ARHGAP35: variants seen among roughly 807,000 people sequenced by gnomAD.
ARHGAP35 encodes rho GTPase-activating protein 35.
In ARHGAP35, 15 loss-of-function variants were observed where a neutral mutation model predicts 111.1. The observed-to-expected ratio is 0.13, with a 90% confidence interval of 0.09 to 0.21. The LOEUF (loss-of-function observed/expected upper bound fraction) is 0.21. Ranked by LOEUF, ARHGAP35 falls within the 10% of genes least tolerant of loss-of-function variation. The pLI, the probability that ARHGAP35 is intolerant of heterozygous loss-of-function variation, is 1.00. For synonymous variants in ARHGAP35, 643 were observed against 710.3 expected, an observed-to-expected ratio of 0.91 and a Z score of 1.51; for missense variants, 1,262 against 1,873.0, an observed-to-expected ratio of 0.67 and a Z score of 6.02.
chr19:46,983,488 G>T (rs1343551617), intron 3 of ARHGAP35, among the ~76,000 whole-genome samples: 1 of 151,752 alleles, frequency 6.6e-6, no homozygotes. Flanking sequence ...CAGTACCCCA[G>T]TCAGATGGTT....
chr19:46,925,109 C>T (rs943151390), intron 2 of ARHGAP35, among the ~76,000 whole-genome samples: 12 of 152,184 alleles, frequency 7.9e-5, no homozygotes, highest in Non-Finnish European at 4.4e-5. Context: ...CACACCTCTT[C>T]AAGTCAAATA....
In ARHGAP35 at chr19:46,920,958, T is replaced by C. The variant is rs1599818900; in HGVS notation, c.2283T>C (p.Ser761=). 1 of 1,614,020 alleles carries C rather than the reference T, an allele frequency of 6.2e-7. No homozygotes were observed. Among genetic ancestry groups the C allele is most frequent in the Non-Finnish European group, 8.5e-7 (1 of 1,179,890 alleles). The change falls in exon 2 of 7, where the codon TCT becomes TCC. Residue 761 remains serine, a synonymous_variant. Coordinates refer to ENST00000672722, the MANE Select transcript of ARHGAP35 (RefSeq NM_004491.5). This position sits in a 1 kb window ranked among gnomAD's most constrained non-coding sequence, Gnocchi z 7.0. ...ISQVLKGLLD[S]KRNLNLVSST... is the part of the protein sequence containing the mutation. ...AAGTTTTGAAGGGACTCCTGGACTC[T>C]AAGCGTAACTTAAACCTGGTCAGTT...
At chr19:46,952,753 G>A (rs747410535) in intron 3 of ARHGAP35, among the ~76,000 whole-genome samples, 19 of 152,174 alleles carry the variant, frequency 1.2e-4, no homozygotes, top group Admixed American at 2.0e-4. Context: ...AGCTCGCAGC[G>A]TGCAGCCTCG....
At position 46,920,630 on chromosome 19, in the gene ARHGAP35, A is replaced by G. The variant is rs763006049; in HGVS notation, c.1955A>G (p.Gln652Arg). The G allele has an allele frequency of 1.2e-6, 2 of 1,614,056 alleles. No homozygotes were observed. The highest frequency in any genetic ancestry group is 2.2e-5 in the East Asian group (1 of 44,888). The change falls in exon 2 of 7, where the codon CAG becomes CGG. Residue 652 changes from glutamine to arginine, a missense_variant. Coordinates refer to ENST00000672722, the MANE Select transcript of ARHGAP35 (RefSeq NM_004491.5). This position sits in a 1 kb window ranked among gnomAD's most constrained non-coding sequence, Gnocchi z 7.0. The part of the protein sequence containing the change: ...GNVRLPVNSF[Q>R]TPTFQPHGCL... The stretch of plus-strand genomic sequence containing the variant: ...GTCAGGCTTCCTGTGAACTCTTTCC[A>G]GACGCCAACATTTCAGCCCCACGGC...
chr19:46,877,234 G>A (rs1471899388), intron 1 of ARHGAP35, among the ~76,000 whole-genome samples: 5 of 127,082 alleles, frequency 3.9e-5, no homozygotes, highest in African/African-American at 9.1e-5. Context: ...CCTGGGTAGC[G>A]AGTAAAACTG....
rs773812194 is a variant in ARHGAP35 at position 46,937,310 on chromosome 19, A to G, written c.3728A>G (p.Glu1243Gly). Reference protein sequence around the residue: ...PRPSITKATWESNYFGVPLTT... With the variant: ...PRPSITKATWGSNYFGVPLTT... ...CCATCCATCACAAAGGCAACCTGGG[A>G]GAGTAACTATTTTGGGGTGCCCTTA... The change falls in exon 3 of 7, where the codon GAG becomes GGG. Residue 1243 changes from glutamate (E) to glycine (G), a missense_variant. By Grantham distance (98) the Glu-to-Gly change is moderately conservative. This residue lies in a region of ARHGAP35 where 579 missense variants were observed against 716.9 expected (regional missense o/e 0.81). Transcript: ENST00000672722. 6.2e-7 allele frequency: 1 copy of G among 1,613,922 alleles called. No homozygotes were observed. The highest frequency in any genetic ancestry group is 8.5e-7 in the Non-Finnish European group (1 of 1,179,838).
intron 1 of ARHGAP35, among the ~76,000 whole-genome samples, chr19:46,868,815 TA>T (rs1039534963): frequency 2.7e-5 from 4 of 148,756 alleles, no homozygotes; most frequent in South Asian, 2.1e-4. Context: ...AATTTACAAT[TA>T]AAAAATAAAA....
At chr19:46,977,995 T>G (rs1378548373) in intron 3 of ARHGAP35, among the ~76,000 whole-genome samples, 3 of 152,180 alleles carry the variant, frequency 2.0e-5, no homozygotes, top group African/African-American at 7.2e-5. Context: ...AGGGGAGACC[T>G]CGGAGGGAGC....
intron 2 of ARHGAP35, among the ~76,000 whole-genome samples, chr19:46,925,838 G>T (rs573166804): frequency 6.6e-6 from 1 of 152,160 alleles, no homozygotes; most frequent in South Asian, 2.1e-4. Flanking sequence ...AATGAACACC[G>T]GGCGTAGTGC....
intron 3 of ARHGAP35, among the ~76,000 whole-genome samples, chr19:46,942,815 CAGAA>C (rs1448664291): frequency 1.2e-4 from 5 of 42,290 alleles, no homozygotes; most frequent in Non-Finnish European, 2.2e-4. Flanking sequence ...GACCCTGTCT[CAGAA>C]AAAAAAAAAA....
intron 1 of ARHGAP35, among the ~76,000 whole-genome samples, chr19:46,887,808 C>T (rs531137188): frequency 1.2e-4 from 19 of 152,122 alleles, no homozygotes; most frequent in African/African-American, 4.3e-4. Context: ...AAAAATGCAG[C>T]TTGACTAATT....
chr19:46,876,895 A>G (rs1185208029), intron 1 of ARHGAP35, among the ~76,000 whole-genome samples: 1 of 152,204 alleles, frequency 6.6e-6, no homozygotes, highest in African/African-American at 2.4e-5. Flanking sequence ...GACTACTGCA[A>G]TAAAGCATAT....
chr19:46,966,343 A>G (rs1005407399), intron 3 of ARHGAP35, among the ~76,000 whole-genome samples: 6 of 152,118 alleles, frequency 3.9e-5, no homozygotes, highest in Non-Finnish European at 8.8e-5. Flanking sequence ...GAACCCAGGA[A>G]TTCAAGACCA....
At chr19:46,887,967 T>C (rs923857152) in intron 1 of ARHGAP35, among the ~76,000 whole-genome samples, 2 of 150,996 alleles carry the variant, frequency 1.3e-5, no homozygotes, top group African/African-American at 4.9e-5. Flanking sequence ...TTTTTTTTTT[T>C]CTGAGACGGA....
intron 2 of ARHGAP35, among the ~76,000 whole-genome samples, chr19:46,924,302 G>A (rs141767171): frequency 1.6e-3 from 246 of 152,270 alleles, no homozygotes; most frequent in African/African-American, 5.4e-3. Flanking sequence ...TGCGGGCCCC[G>A]AGAGATGGAG....
At chr19:46,966,874 C>T (rs8101973) in intron 3 of ARHGAP35, among the ~76,000 whole-genome samples, 35,980 of 152,030 alleles carry the variant, frequency 0.24, 4,481 homozygotes, top group Non-Finnish European at 0.28. Context: ...CATGAGGCTG[C>T]AGGGGTTAGT....
At chr19:46,917,086 C>T (rs924934288) in intron 1 of ARHGAP35, among the ~76,000 whole-genome samples, 1 of 152,072 alleles carries the variant, frequency 6.6e-6, no homozygotes, top group African/African-American at 2.4e-5. Flanking sequence ...ATTTCTGTAA[C>T]ACTTTCCATC....
At chr19:46,884,467 C>A (rs1413872609) in intron 1 of ARHGAP35, among the ~76,000 whole-genome samples, 2 of 143,438 alleles carry the variant, frequency 1.4e-5, no homozygotes, top group Non-Finnish European at 3.1e-5. Context: ...CCTTAGTTTT[C>A]TCATCTATAA....
intron 1 of ARHGAP35, among the ~76,000 whole-genome samples, chr19:46,909,754 C>T (rs1165525807): frequency 6.6e-6 from 1 of 152,112 alleles, no homozygotes; most frequent in Non-Finnish European, 1.5e-5. Context: ...GCATACCATC[C>T]CCACAATGTT....
Sources: allele counts gnomAD v4.1 joint callset (sites outside exome capture counted in the v4.1 genomes callset), GRCh38; gene constraint gnomAD v4.1.1; regional missense constraint gnomAD v4.1.1; non-coding constraint Gnocchi (gnomAD v3.1); transcripts MANE v1.5; gene names NCBI Gene and HGNC (gene_info 2026-07-23, HGNC 2026-07-21).